Variants in ZNF862 observed in about 807,000 individuals in gnomAD.
ZNF862 encodes the protein zinc finger protein 862.
ZNF862 carries 64 observed loss-of-function variants against 91.1 expected under a neutral mutation model. The observed-to-expected ratio is 0.70, with a 90% confidence interval of 0.57 to 0.87. The LOEUF is 0.87. Ranked by LOEUF, ZNF862 falls within the 40% of genes least tolerant of loss-of-function variation. ZNF862 has a pLI of 0.00. For synonymous variants in ZNF862, 631 were observed against 618.1 expected (o/e 1.02, Z -0.31); for missense variants, 1,459 against 1,528.0 (o/e 0.95, Z 0.75).
chr7:149,861,443 C>T lies in ZNF862; in HGVS notation c.2283C>T (p.Asn761=), dbSNP rs778117807. The stretch of plus-strand genomic sequence containing the variant: ...TCTTCAAGTTTTATCAGTCCTCAAA[C>T]AAGAGGCTGAACGAGCTGCAGGAAG... ...RTVFKFYQSS[N]KRLNELQEGA... is the part of the protein sequence containing the mutation. Residue 761 remains asparagine, a synonymous_variant, in exon 7 of 8, where the codon AAC becomes AAT. Coordinates refer to ENST00000223210, the MANE Select transcript of ZNF862 (RefSeq NM_001099220.3). This position sits in a 1 kb window ranked among gnomAD's most constrained non-coding sequence, Gnocchi z 6.7. 1.9e-6 allele frequency: 3 copies of T among 1,613,494 alleles called. No homozygotes were observed. Among genetic ancestry groups the T allele is most frequent in the Non-Finnish European group, 2.5e-6 (3 of 1,179,910 alleles).
At chr7:149,844,977 A>C in intron 2 of ZNF862, 2 of 444,142 alleles carry the variant, frequency 4.5e-6, no homozygotes, top group East Asian at 4.6e-5. Context: ...CCTGGGCTAG[A>C]CTCCTGGGTC....
In ZNF862 at chr7:149,864,590, G is replaced by A; in HGVS notation, c.*306G>A. The A allele has an allele frequency of 3.2e-6, 1 of 308,930 alleles. No homozygotes were observed. The highest frequency in any genetic ancestry group is 6.1e-6 in the Non-Finnish European group (1 of 164,088). 19.1% of individuals were successfully genotyped at this position (308,930 alleles called of 1,614,324 possible). A position where few individuals can be genotyped will look rare whatever the true frequency, so the allele number is the denominator to read the frequency against. On this transcript the variant is annotated 3_prime_UTR_variant, in exon 8 of 8. Transcript: ENST00000223210. ...GAAAGGTTTCAGCCCCTGAGTTTTGGTGGCAAGAGGAGTGTCCTGGTAGGG... is the reference window on the plus strand; with the variant it reads ...GAAAGGTTTCAGCCCCTGAGTTTTGATGGCAAGAGGAGTGTCCTGGTAGGG...
chr7:149,862,558 G>A (rs1802557867), intron 7 of ZNF862, 64 bp downstream of exon 7: 5 of 1,480,436 alleles, frequency 3.4e-6, no homozygotes, highest in African/African-American at 1.4e-5. Flanking sequence ...CAATAAGACA[G>A]GACTGCAGGT....
intron 5 of ZNF862, among the ~76,000 whole-genome samples, chr7:149,857,576 T>G (rs1802304397): frequency 6.6e-6 from 1 of 152,214 alleles, no homozygotes; most frequent in Non-Finnish European, 1.5e-5. Flanking sequence ...TGTTAGAGGC[T>G]TTTCTTAAAT....
In ZNF862 at chr7:149,855,670, C is replaced by T. The variant is rs1418692686; in HGVS notation, c.1118-3752C>T. ...TTGCCTGGACATGGGTGAATGTCTG[C>T]CCTGGCAGCCTGTCTATATAGGCGC... On this transcript the variant is annotated intron_variant, in intron 5 of 7. Coordinates refer to ENST00000223210, the MANE Select transcript of ZNF862 (RefSeq NM_001099220.3). The surrounding 1 kb of genome is among the most constrained non-coding windows in gnomAD (Gnocchi z 4.1). 2.0e-5 allele frequency among the ~76,000 whole-genome samples: 3 copies of T among 152,202 alleles called. No individual in the cohort carries two copies. Among genetic ancestry groups the T allele is most frequent in the Middle Eastern group, 3.2e-3 (1 of 316 alleles).
intron 2 of ZNF862, among the ~76,000 whole-genome samples, chr7:149,845,790 C>T (rs1801846989): frequency 6.6e-6 from 1 of 152,078 alleles, no homozygotes; most frequent in African/African-American, 2.4e-5. Context: ...GCTGCTGTTC[C>T]CTTACGTCTT....
rs761211811 is a variant in ZNF862 at position 149,860,849 on chromosome 7, CT to C, written c.1690del (p.Ser564ProfsTer9). On this transcript the variant is annotated frameshift_variant, in exon 7 of 8. Transcript: ENST00000223210. LOFTEE classifies it high-confidence loss of function. Reference protein sequence around the residue: ...NMEHFFNAAYSIAYHSRPLND... With the variant: ...NMEHFFNAAYXIAYHSRPLND... The stretch of plus-strand genomic sequence containing the variant: ...TGGAGCACTTTTTCAATGCCGCCTA[CT>C]CCATTGCATACCACTCAAGGCCCCT... The C allele has an allele frequency of 6.2e-7, 1 of 1,613,716 alleles. No homozygotes were observed.
chr7:149,857,383 A>T (rs754605786), intron 5 of ZNF862, among the ~76,000 whole-genome samples: 3 of 151,222 alleles, frequency 2.0e-5, no homozygotes, highest in African/African-American at 2.4e-5. Flanking sequence ...TAACAATGCT[A>T]TTTTTTTTAT....
chr7:149,843,900 G>T (rs188634637), intron 1 of ZNF862, among the ~76,000 whole-genome samples: 1 of 152,262 alleles, frequency 6.6e-6, no homozygotes, highest in African/African-American at 2.4e-5. Flanking sequence ...GCCGGGTGAG[G>T]GTTTGATTTT....
intron 7 of ZNF862, among the ~76,000 whole-genome samples, chr7:149,863,137 G>A (rs1251457854): frequency 6.6e-6 from 1 of 152,094 alleles, no homozygotes; most frequent in Non-Finnish European, 1.5e-5. Context: ...ACTTGCTTGA[G>A]GGGGAAGCTG....
chr7:149,860,307 T>C, intron 6 of ZNF862, 76 bp from the exon 7 acceptor site: 1 of 1,325,756 alleles, frequency 7.5e-7, no homozygotes. Context: ...CTTATTAAAT[T>C]TGGGGGTGTC....
Position 149,865,030 on chromosome 7 carries a change from T to C in ZNF862, c.*746T>C, listed in dbSNP as rs1802663834. The stretch of plus-strand genomic sequence containing the variant: ...AGGAGAGGATGGGACGAAGTTGGAG[T>C]TGGGAGGCTTGGGATGCAGCCCCAG... On this transcript the variant is annotated 3_prime_UTR_variant, in exon 8 of 8. Transcript: ENST00000223210. The C allele has an allele frequency of 6.6e-6, 1 of 152,020 alleles. No individual in the cohort carries two copies. The highest frequency in any genetic ancestry group is 1.9e-4 in the East Asian group (1 of 5,172). 9.4% of individuals were successfully genotyped at this position (152,020 alleles called of 1,614,324 possible). A position where few individuals can be genotyped will look rare whatever the true frequency, so the allele number is the denominator to read the frequency against.
At chr7:149,845,082 G>A (rs1224033663) in intron 2 of ZNF862, 1 of 236,356 alleles carries the variant, frequency 4.2e-6, no homozygotes, top group African/African-American at 2.3e-5. Context: ...ACTGGAGGTA[G>A]GAAGCAGTGG....
intron 7 of ZNF862, 69 bp from the exon 8 acceptor site, chr7:149,864,040 G>A (rs2128943615): frequency 3.3e-6 from 5 of 1,492,730 alleles, no homozygotes; most frequent in Non-Finnish European, 2.7e-6. Flanking sequence ...AACAGCCCCT[G>A]GGCGAAGCTG....
At chr7:149,839,475 G>C (rs1189229565) in intron 1 of ZNF862, among the ~76,000 whole-genome samples, 1 of 152,168 alleles carries the variant, frequency 6.6e-6, no homozygotes, top group Non-Finnish European at 1.5e-5. Context: ...TCTGTGATTT[G>C]CATTGAACGA....
chr7:149,866,467 C>T lies in ZNF862; in HGVS notation c.*2183C>T, dbSNP rs1038900810. 1 of 152,236 alleles carries T rather than the reference C, an allele frequency of 6.6e-6. No individual in the cohort carries two copies. Among genetic ancestry groups the T allele is most frequent in the African/African-American group, 2.4e-5 (1 of 41,446 alleles). The allele number at this position is 152,236 out of a possible 1,614,324, so 9.4% of individuals were successfully genotyped here. On this transcript the variant is annotated 3_prime_UTR_variant, in exon 8 of 8. Coordinates refer to ENST00000223210, the MANE Select transcript of ZNF862 (RefSeq NM_001099220.3). Reference sequence around the variant, plus strand: ...CCAGCACACATGCTTCCTGCGGCCTCTTCATCCTTGAAGAATCCCTCAGAG... The same window carrying T: ...CCAGCACACATGCTTCCTGCGGCCTTTTCATCCTTGAAGAATCCCTCAGAG...
chr7:149,847,786 G>C lies in ZNF862; in HGVS notation c.293G>C (p.Arg98Thr), dbSNP rs1410429759. ...GAAATGGAGGTGCAAGGTCCCACCA[G>C]GGAGAGTGGACAGTCCCTCCCGCCT... ...MGEMEVQGPT[R>T]ESGQSLPPQK... The change falls in exon 4 of 8, where the codon AGG becomes ACG. Residue 98 changes from arginine (R) to threonine (T), a missense_variant. Physicochemically the swap from Arg to Thr is moderately conservative, Grantham distance 71. Coordinates refer to ENST00000223210, the MANE Select transcript of ZNF862 (RefSeq NM_001099220.3). 7 of 1,613,760 alleles carry C rather than the reference G, an allele frequency of 4.3e-6. No homozygotes were observed. In the Admixed American group the frequency reaches 1.0e-4, roughly 23 times the overall value.
At chr7:149,858,925 G>A (rs1260677743) in intron 5 of ZNF862, 1 of 123,488 alleles carries the variant, frequency 8.1e-6, no homozygotes, top group Non-Finnish European at 1.7e-5. Flanking sequence ...AGCTGTGGGG[G>A]CAGAGGGGCA....
chr7:149,859,457 C>T lies in ZNF862; in HGVS notation c.1153C>T (p.Leu385=), dbSNP rs769490778. Residue 385 remains leucine, a synonymous_variant, in exon 6 of 8, where the codon CTG becomes TTG. Coordinates refer to ENST00000223210, the MANE Select transcript of ZNF862 (RefSeq NM_001099220.3). ...TGCCAAGCCAGACTTGATCTCCAAA[C>T]TGGAGCGGAGGGCTGCACCCTGGAT... is the stretch of plus-strand genomic sequence containing the variant. ...AAAKPDLISK[L]ERRAAPWIKD... 3.4e-5 allele frequency: 54 copies of T among 1,588,054 alleles called. No homozygotes were observed. The highest frequency in any genetic ancestry group is 4.5e-5 in the Non-Finnish European group (52 of 1,166,596).
Sources: allele counts gnomAD v4.1 joint callset (sites outside exome capture counted in the v4.1 genomes callset), GRCh38; gene constraint gnomAD v4.1.1; non-coding constraint Gnocchi (gnomAD v3.1); transcripts MANE v1.5; gene names NCBI Gene and HGNC (gene_info 2026-07-23, HGNC 2026-07-21).